The following FER1L6 variants were observed in gnomAD, a reference collection of about 807,000 sequenced individuals.
FER1L6 encodes fer-1-like protein 6.
In FER1L6, 177 loss-of-function variants were observed where a neutral mutation model predicts 219.2. The observed-to-expected ratio is 0.81, with a 90% confidence interval of 0.71 to 0.91. The LOEUF (loss-of-function observed/expected upper bound fraction) is 0.91, where lower values mean the gene tolerates loss of function less well. Ranked by LOEUF, FER1L6 falls within the 40% of genes least tolerant of loss-of-function variation. FER1L6 has a pLI of 0.00. For missense variants in FER1L6, 2,153 were observed against 2,259.9 expected (o/e 0.95, Z 0.96); for synonymous variants, 768 against 824.3 (o/e 0.93, Z 1.17).
chr8:123,993,421 GACAGAGCGAGACTCCGTCTCAAA>G (rs1246585079), intron 12 of FER1L6, among the ~76,000 whole-genome samples: 39 of 142,262 alleles, frequency 2.7e-4, no homozygotes, highest in African/African-American at 9.2e-4. Flanking sequence ...CAGCCTGGGC[GACAGAGCGAGACTCCGTCTCAAA>G]AAAAAAAAAA....
At chr8:124,035,120 G>A (rs958356782) in intron 18 of FER1L6, among the ~76,000 whole-genome samples, 157 bp from the exon 19 acceptor site, 1 of 152,172 alleles carries the variant, frequency 6.6e-6, no homozygotes, top group Non-Finnish European at 1.5e-5. Flanking sequence ...AAGGCAATTG[G>A]GGCCATTGTC....
intron 18 of FER1L6, 38 bp from the exon 19 acceptor site, chr8:124,035,239 C>A: frequency 6.3e-7 from 1 of 1,593,508 alleles, no homozygotes; most frequent in Non-Finnish European, 8.5e-7. Context: ...TAATTATCTC[C>A]TACTAATAAG....
intron 1 of FER1L6, among the ~76,000 whole-genome samples, chr8:123,883,959 T>C (rs1222213300): frequency 6.6e-6 from 1 of 152,224 alleles, no homozygotes; most frequent in Non-Finnish European, 1.5e-5. Flanking sequence ...CTTGTGAATT[T>C]TGGGGGGACA....
At chr8:123,986,409 T>C (rs950399034) in intron 12 of FER1L6, among the ~76,000 whole-genome samples, 17 of 152,186 alleles carry the variant, frequency 1.1e-4, no homozygotes, top group African/African-American at 4.1e-4. Context: ...TATATATTTA[T>C]GGGGTACATG....
rs1823414316 is a variant in FER1L6 at position 124,119,833 on chromosome 8, TCTTC to T, written c.*47_*50del. ...AGATCCTCGCCATATACTAATCCTC[TCTTC>T]CTTATCTGGGAGCATCTAAGAACAT... On this transcript the variant is annotated 3_prime_UTR_variant, in exon 41 of 41. Coordinates refer to ENST00000522917, the MANE Select transcript of FER1L6 (RefSeq NM_001039112.2). The T allele has an allele frequency of 6.3e-7, 1 of 1,590,256 alleles. No homozygotes were observed. Among genetic ancestry groups the T allele is most frequent in the Admixed American group, 1.7e-5 (1 of 58,262 alleles).
At chr8:123,857,480 A>G (rs1210420820) in intron 1 of FER1L6, among the ~76,000 whole-genome samples, 1 of 152,256 alleles carries the variant, frequency 6.6e-6, no homozygotes, top group Middle Eastern at 3.2e-3. Flanking sequence ...ACTGCACTCC[A>G]GCCTGGGCAA....
chr8:123,900,942 A>G (rs1011550669), intron 1 of FER1L6, among the ~76,000 whole-genome samples: 2 of 152,266 alleles, frequency 1.3e-5, no homozygotes, highest in East Asian at 1.9e-4. Flanking sequence ...ATGTTCATCA[A>G]GGATATTGAT....
Position 124,103,313 on chromosome 8 carries a change from A to C in FER1L6, c.5289+4A>C. The C allele has an allele frequency of 6.2e-7, 1 of 1,613,568 alleles. No homozygotes were observed. On this transcript the variant is annotated splice_donor_region_variant and intron_variant, in intron 39 of 40. Transcript: ENST00000522917. ...TTCTAAAAGCAAAGAACTCACAGTA[A>C]GTGACAGCTATGGGAGGTGGAGGAG...
At chr8:124,023,338 C>T (rs969723582) in intron 17 of FER1L6, 106 bp from the exon 18 acceptor site, 29 of 1,122,268 alleles carry the variant, frequency 2.6e-5, no homozygotes, top group Non-Finnish European at 3.2e-5. Context: ...TTTGTTTTGT[C>T]GAAGAGGGAA....
chr8:123,933,534 C>T (rs114550357), intron 1 of FER1L6, among the ~76,000 whole-genome samples: 153 of 152,304 alleles, frequency 1.0e-3, no homozygotes, highest in African/African-American at 3.7e-3. Flanking sequence ...TATGTGTGCA[C>T]ACACATGTGA....
intron 19 of FER1L6, among the ~76,000 whole-genome samples, chr8:124,036,772 G>C (rs901790928): frequency 1.3e-5 from 2 of 152,182 alleles, no homozygotes; most frequent in African/African-American, 2.4e-5. Context: ...ACTTTTCCTA[G>C]TGCTTTCTGA....
intron 37 of FER1L6, 152 bp downstream of exon 37, chr8:124,098,035 G>T: frequency 1.0e-5 from 5 of 493,498 alleles, no homozygotes; most frequent in South Asian, 3.7e-5. Context: ...TCTAATATTT[G>T]TCTTATTTGG....
At chr8:124,079,205 C>T in intron 32 of FER1L6, among the ~76,000 whole-genome samples, 1 of 152,170 alleles carries the variant, frequency 6.6e-6, no homozygotes, top group Admixed American at 6.5e-5. Flanking sequence ...ATCCTAATGA[C>T]CTCATTATAT....
chr8:123,972,633 T>C (rs1003058320), intron 6 of FER1L6, among the ~76,000 whole-genome samples: 3 of 152,220 alleles, frequency 2.0e-5, no homozygotes, highest in Admixed American at 6.5e-5. Flanking sequence ...ATTGTTCTTA[T>C]ATTGAGTGGA....
At chr8:123,874,521 TA>T (rs915311883) in intron 1 of FER1L6, among the ~76,000 whole-genome samples, 20 of 152,218 alleles carry the variant, frequency 1.3e-4, no homozygotes, top group Admixed American at 1.2e-3. Flanking sequence ...TAGAAAATAG[TA>T]ATACTCAGAA....
chr8:124,065,683 G>C (rs1820799361), intron 26 of FER1L6, among the ~76,000 whole-genome samples: 1 of 152,194 alleles, frequency 6.6e-6, no homozygotes, highest in East Asian at 1.9e-4. Context: ...CAGCAGAGAA[G>C]AGATAATTTT....
At chr8:123,923,526 G>T (rs1813442511) in intron 1 of FER1L6, among the ~76,000 whole-genome samples, 1 of 152,160 alleles carries the variant, frequency 6.6e-6, no homozygotes, top group Non-Finnish European at 1.5e-5. Flanking sequence ...AAAAAGTTAT[G>T]CATAAGAGTA....
intron 1 of FER1L6, among the ~76,000 whole-genome samples, chr8:123,938,571 G>T (rs1170098598): frequency 8.2e-6 from 1 of 122,366 alleles, no homozygotes; most frequent in Non-Finnish European, 1.6e-5. Context: ...TTTTGAGACA[G>T]ATCCTCATTC....
chr8:124,106,328 C>CAAAAAAAAAAA (rs71289636), intron 39 of FER1L6, among the ~76,000 whole-genome samples: 2 of 63,848 alleles, frequency 3.1e-5, no homozygotes, highest in Admixed American at 2.9e-4. Context: ...GACTCTGTCT[C>CAAAAAAAAAAA]AAAAAAAAAA....
Sources: allele counts gnomAD v4.1 joint callset (sites outside exome capture counted in the v4.1 genomes callset), GRCh38; gene constraint gnomAD v4.1.1; transcripts MANE v1.5; gene names NCBI Gene and HGNC (gene_info 2026-07-23, HGNC 2026-07-21).